Variants in PRMT3 observed in about 807,000 individuals in gnomAD.
PRMT3 encodes protein arginine N-methyltransferase 3.
Under a neutral mutation model 71.9 loss-of-function variants are expected in PRMT3, and 62 were observed. The ratio of observed to expected loss-of-function variants is 0.86; its 90% CI spans 0.70 to 1.07. The LOEUF (loss-of-function observed/expected upper bound fraction) is 1.07, where lower values mean the gene tolerates loss of function less well. Ranked by LOEUF, PRMT3 falls within the 50% of genes least tolerant of loss-of-function variation. The pLI is 0.00. For synonymous variants in PRMT3, 213 were observed against 220.4 expected (o/e 0.97, Z 0.30); for missense variants, 663 against 643.0 (o/e 1.03, Z -0.34).
At chr11:20,431,219 A>G (rs1310517355) in intron 10 of PRMT3, among the ~76,000 whole-genome samples, 2 of 152,160 alleles carry the variant, frequency 1.3e-5, no homozygotes, top group African/African-American at 4.8e-5. Flanking sequence ...TTTTATGTAC[A>G]ATACATGAAG....
chr11:20,503,769 G>C (rs1428208223), intron 15 of PRMT3, among the ~76,000 whole-genome samples: 2 of 152,076 alleles, frequency 1.3e-5, no homozygotes, highest in Non-Finnish European at 2.9e-5. Context: ...GGGCCATTAA[G>C]AATAAAGTTG....
intron 10 of PRMT3, among the ~76,000 whole-genome samples, chr11:20,449,144 G>A (rs1006505587): frequency 2.6e-5 from 4 of 152,118 alleles, no homozygotes; most frequent in Non-Finnish European, 2.9e-5. Flanking sequence ...TTAGCAATAC[G>A]TATGTGAATC....
chr11:20,479,024 C>G lies in PRMT3; in HGVS notation c.1347+14478C>G, dbSNP rs1192112536. ...AATAGTAAGATTTGTCTTGAACTTG[C>G]ATCATAGGTTTTAATGGGACATCTG... On this transcript the variant is annotated intron_variant, in intron 13 of 15. Coordinates refer to ENST00000331079, the MANE Select transcript of PRMT3 (RefSeq NM_005788.4). 2.0e-5 allele frequency among the ~76,000 whole-genome samples: 3 copies of G among 152,150 alleles called. No individual in the cohort carries two copies. The East Asian group carries it at 5.8e-4, about 29-fold the overall frequency.
At chr11:20,401,233 A>G (rs1464381467) in intron 7 of PRMT3, among the ~76,000 whole-genome samples, 2 of 152,198 alleles carry the variant, frequency 1.3e-5, no homozygotes, top group African/African-American at 2.4e-5. Context: ...GAGTGACTGC[A>G]TTCCTGACTG....
chr11:20,420,077 C>T (rs1430515433), intron 9 of PRMT3, among the ~76,000 whole-genome samples: 2 of 152,126 alleles, frequency 1.3e-5, no homozygotes, highest in Non-Finnish European at 2.9e-5. Flanking sequence ...GAGGCTGAGG[C>T]AGGAGAATTG....
At chr11:20,483,496 G>A (rs1177065705) in intron 13 of PRMT3, among the ~76,000 whole-genome samples, 1 of 150,244 alleles carries the variant, frequency 6.7e-6, no homozygotes, top group African/African-American at 2.5e-5. Context: ...GAGGGAGCAG[G>A]AGAAGAGAAA....
rs1404314433 is a variant in PRMT3 at position 20,434,133 on chromosome 11, T to C, written c.993+7268T>C. 3.3e-5 allele frequency among the ~76,000 whole-genome samples: 5 copies of C among 152,218 alleles called. No homozygotes were observed. In the East Asian group the frequency reaches 9.6e-4, roughly 29 times the overall value. On this transcript the variant is annotated intron_variant, in intron 10 of 15. Transcript: ENST00000331079. Reference sequence around the variant, plus strand: ...TTCATTTCTCTAATGATCAGTGATATTGAGCTTTTCTTCATATGCTTGTTG... The same window carrying C: ...TTCATTTCTCTAATGATCAGTGATACTGAGCTTTTCTTCATATGCTTGTTG...
chr11:20,456,077 G>A (rs1850261241), intron 11 of PRMT3, among the ~76,000 whole-genome samples: 1 of 152,118 alleles, frequency 6.6e-6, no homozygotes, highest in Non-Finnish European at 1.5e-5. Flanking sequence ...GGCAGAATAT[G>A]CTATAAGCAA....
chr11:20,426,654 G>T lies in PRMT3; in HGVS notation c.894-112G>T, dbSNP rs1849552406. 3 of 1,109,998 alleles carry T rather than the reference G, an allele frequency of 2.7e-6. No individual in the cohort carries two copies. In the African/African-American group the frequency reaches 4.9e-5, roughly 18 times the overall value. 68.8% of individuals were successfully genotyped at this position (1,109,998 alleles called of 1,614,324 possible). A position where few individuals can be genotyped will look rare whatever the true frequency, so the allele number is the denominator to read the frequency against. On this transcript the variant is annotated intron_variant, in intron 9 of 15. Coordinates refer to ENST00000331079, the MANE Select transcript of PRMT3 (RefSeq NM_005788.4). Reference sequence around the variant, plus strand: ...TCCAAAGAACAACTAAGCTTTGATTGAAATACTTTTTTGTCCCACAAAACA... The same window carrying T: ...TCCAAAGAACAACTAAGCTTTGATTTAAATACTTTTTTGTCCCACAAAACA...
At chr11:20,446,878 A>G (rs1850043024) in intron 10 of PRMT3, among the ~76,000 whole-genome samples, 1 of 152,162 alleles carries the variant, frequency 6.6e-6, no homozygotes, top group African/African-American at 2.4e-5. Context: ...CAAGTGCCTA[A>G]CAGTGTAATA....
intron 7 of PRMT3, among the ~76,000 whole-genome samples, chr11:20,399,622 C>A (rs543760634): frequency 6.6e-6 from 1 of 152,214 alleles, no homozygotes; most frequent in East Asian, 1.9e-4. Context: ...ATAAACCTTT[C>A]ATTCCTTTGG....
At chr11:20,398,012 TAAA>T (rs11424785) in intron 7 of PRMT3, among the ~76,000 whole-genome samples, 3 of 121,696 alleles carry the variant, frequency 2.5e-5, no homozygotes, top group Admixed American at 8.8e-5. Context: ...TGTCTCTATT[TAAA>T]AAAAAAAAAA....
Position 20,402,972 on chromosome 11 carries a change from C to A in PRMT3, c.759C>A (p.Ile253=). Residue 253 remains isoleucine (I), a synonymous_variant, in exon 8 of 16, where the codon ATC becomes ATA. Transcript: ENST00000331079. ...YRDFIYQNPH[I]FKDKVVLDVG... is the part of the protein sequence containing the mutation. ...ATTTCATATACCAAAATCCACATAT[C>A]TTCAAAGACAAGGTAAGTAGTATAG... The A allele has an allele frequency of 6.3e-7, 1 of 1,598,238 alleles. No homozygotes were observed. Among genetic ancestry groups the A allele is most frequent in the Non-Finnish European group, 8.6e-7 (1 of 1,165,770 alleles).
intron 10 of PRMT3, among the ~76,000 whole-genome samples, chr11:20,427,323 T>G (rs145863432): frequency 5.9e-5 from 9 of 152,314 alleles, no homozygotes; most frequent in Admixed American, 2.6e-4. Context: ...AAAATAGAAT[T>G]TATTGCTGTT....
chr11:20,401,184 G>T (rs7480236), intron 7 of PRMT3, among the ~76,000 whole-genome samples: 13,017 of 152,068 alleles, frequency 0.086, 753 homozygotes, highest in East Asian at 0.2. Flanking sequence ...TGATTAAGGG[G>T]AAGTAGTGGT....
chr11:20,482,840 GGAAAGACAAGTCAAGTCAAAAAT>G (rs1850973938), intron 13 of PRMT3, among the ~76,000 whole-genome samples: 1 of 150,060 alleles, frequency 6.7e-6, no homozygotes, highest in Non-Finnish European at 1.5e-5. Context: ...TCAAAAATTT[GGAAAGACAAGTCAAGTCAAAAAT>G]TAGAAAAATA....
At chr11:20,447,433 G>A (rs1231876341) in intron 10 of PRMT3, among the ~76,000 whole-genome samples, 1 of 151,980 alleles carries the variant, frequency 6.6e-6, no homozygotes, top group Non-Finnish European at 1.5e-5. Context: ...AAATTTATCT[G>A]GCCCAAAATG....
chr11:20,433,576 T>C (rs775092709), intron 10 of PRMT3, among the ~76,000 whole-genome samples: 1 of 152,164 alleles, frequency 6.6e-6, no homozygotes, highest in Non-Finnish European at 1.5e-5. Context: ...TCTGGGTATA[T>C]ACCCAGTAAT....
chr11:20,387,905 T>C lies in PRMT3; in HGVS notation c.29-114T>C, dbSNP rs1398922449. 5.8e-6 allele frequency: 9 copies of C among 1,561,836 alleles called. No individual in the cohort carries two copies. The highest frequency in any genetic ancestry group is 1.7e-6 in the Non-Finnish European group (2 of 1,152,082). On this transcript the variant is annotated intron_variant, in intron 1 of 15. Transcript: ENST00000331079. This position sits in a 1 kb window ranked among gnomAD's most constrained non-coding sequence, Gnocchi z 4.3. ...CTCGCAGGGATCATGAAGGAGGTGCTGAGTGAGGGCCGCGGGCGAACGGGG... is the reference window on the plus strand; with the variant it reads ...CTCGCAGGGATCATGAAGGAGGTGCCGAGTGAGGGCCGCGGGCGAACGGGG...
Sources: allele counts gnomAD v4.1 joint callset (sites outside exome capture counted in the v4.1 genomes callset), GRCh38; gene constraint gnomAD v4.1.1; non-coding constraint Gnocchi (gnomAD v3.1); transcripts MANE v1.5; gene names NCBI Gene and HGNC (gene_info 2026-07-23, HGNC 2026-07-21).